The following RERE variants were observed in gnomAD, a reference collection of about 807,000 sequenced individuals.
RERE encodes arginine-glutamic acid dipeptide repeats, also known as arginine-glutamic acid dipeptide repeats protein.
Under a neutral mutation model 146.1 loss-of-function variants are expected in RERE, and 40 were observed. The ratio of observed to expected loss-of-function variants is 0.27; its 90% CI spans 0.21 to 0.36. The LOEUF (loss-of-function observed/expected upper bound fraction) is 0.36, where lower values mean the gene tolerates loss of function less well. Among genes scored for constraint, RERE ranks in the 10% least tolerant of loss-of-function variants. The pLI is 1.00. For synonymous variants in RERE, 1,003 were observed against 866.0 expected, an observed-to-expected ratio of 1.16 and a Z score of -2.78; for missense variants, 1,933 against 2,138.7, an observed-to-expected ratio of 0.90 and a Z score of 1.90.
At chr1:8,559,137 G>A (rs1217617516) in intron 4 of RERE, among the ~76,000 whole-genome samples, 5 of 150,038 alleles carry the variant, frequency 3.3e-5, no homozygotes, top group East Asian at 2.0e-4. Context: ...AAAATTAGCC[G>A]GGTATGGTGG....
At chr1:8,742,866 TCAA>T (rs1557515859) in intron 1 of RERE, among the ~76,000 whole-genome samples, 2 of 116,954 alleles carry the variant, frequency 1.7e-5, no homozygotes, top group Non-Finnish European at 3.4e-5. Flanking sequence ...AGATCCTGTC[TCAA>T]AAAAAAAAAA....
At chr1:8,524,236 G>A (rs1316796804) in intron 7 of RERE, among the ~76,000 whole-genome samples, 1 of 151,898 alleles carries the variant, frequency 6.6e-6, no homozygotes, top group African/African-American at 2.4e-5. Context: ...CCCTCACATG[G>A]GTAAAAAAAT....
chr1:8,766,784 A>T (rs1219844180), intron 1 of RERE, among the ~76,000 whole-genome samples: 1 of 152,176 alleles, frequency 6.6e-6, no homozygotes, highest in Non-Finnish European at 1.5e-5. Context: ...AAAATTCACA[A>T]TATTGTGAAA....
chr1:8,559,566 A>G (rs1646053901), intron 4 of RERE, among the ~76,000 whole-genome samples: 1 of 152,176 alleles, frequency 6.6e-6, no homozygotes, highest in Admixed American at 6.5e-5. Context: ...ACATACCAGT[A>G]TGTTAAATAA....
chr1:8,555,724 C>CA (rs1645999554), intron 6 of RERE, among the ~76,000 whole-genome samples: 1 of 152,148 alleles, frequency 6.6e-6, no homozygotes, highest in African/African-American at 2.4e-5. Context: ...CATACACACA[C>CA]AAAATGAGCC....
intron 10 of RERE, among the ~76,000 whole-genome samples, chr1:8,491,462 CAA>C (rs1458977946): frequency 6.6e-6 from 1 of 151,088 alleles, no homozygotes; most frequent in Non-Finnish European, 1.5e-5. Context: ...CAAAACAAAA[CAA>C]GAAAAACAGC....
At chr1:8,560,070 A>G (rs1646060049) in intron 4 of RERE, among the ~76,000 whole-genome samples, 1 of 152,236 alleles carries the variant, frequency 6.6e-6, no homozygotes, top group Non-Finnish European at 1.5e-5. Flanking sequence ...GGACCAGGAT[A>G]AGATTACTCA....
chr1:8,531,007 T>TTCTTTCTATCTA (rs1215718651), intron 7 of RERE, among the ~76,000 whole-genome samples: 5 of 140,238 alleles, frequency 3.6e-5, no homozygotes, highest in Non-Finnish European at 6.2e-5. Flanking sequence ...GAACTGAGTT[T>TTCTTTCTATCTA]TCTATCTATC....
chr1:8,503,087 A>AAAATT (rs758446712), intron 8 of RERE, among the ~76,000 whole-genome samples: 11 of 144,600 alleles, frequency 7.6e-5, no homozygotes, highest in African/African-American at 2.9e-4. Flanking sequence ...TGATCAATTA[A>AAAATT]AAATAAATAA....
At chr1:8,624,513 GA>G (rs1346958637) in intron 2 of RERE, 133 bp from the exon 3 acceptor site, 1 of 595,946 alleles carries the variant, frequency 1.7e-6, no homozygotes, top group Admixed American at 3.2e-5. Context: ...TCCAAAAGAT[GA>G]TATTAAATTG....
intron 4 of RERE, among the ~76,000 whole-genome samples, chr1:8,569,450 G>A (rs1474796335): frequency 6.6e-6 from 1 of 152,042 alleles, no homozygotes; most frequent in Non-Finnish European, 1.5e-5. Flanking sequence ...CAGACTTTGC[G>A]GTAATGAGCA....
chr1:8,406,000 A>G (rs1643427631), intron 12 of RERE, among the ~76,000 whole-genome samples: 1 of 152,006 alleles, frequency 6.6e-6, no homozygotes. Flanking sequence ...CTAAAAACAG[A>G]CCCCTTCCCT....
intron 2 of RERE, among the ~76,000 whole-genome samples, chr1:8,649,260 A>G (rs968303983): frequency 6.7e-6 from 1 of 149,864 alleles, no homozygotes; most frequent in Non-Finnish European, 1.5e-5. Context: ...CAAGGACAAT[A>G]TACAATAGAG....
chr1:8,785,778 C>T (rs529332143), intron 1 of RERE, among the ~76,000 whole-genome samples: 5 of 152,268 alleles, frequency 3.3e-5, no homozygotes, highest in South Asian at 2.1e-4. Context: ...CCAACCACCA[C>T]GCCCAGCTAA....
chr1:8,815,783 G>C (rs1029484292), intron 1 of RERE, among the ~76,000 whole-genome samples: 5 of 152,060 alleles, frequency 3.3e-5, no homozygotes, highest in Admixed American at 1.3e-4. Flanking sequence ...ATGGGAGAGA[G>C]AGAATGAATG....
At chr1:8,582,045 A>G (rs1646372971) in intron 4 of RERE, among the ~76,000 whole-genome samples, 1 of 152,172 alleles carries the variant, frequency 6.6e-6, no homozygotes, top group Non-Finnish European at 1.5e-5. Context: ...AGCTATTAAT[A>G]TAATTGCTTG....
rs576222699 is a variant in RERE at position 8,679,381 on chromosome 1, G to T, written c.-144-22940C>A. ...ACGTGACCCGAGGAAAAAAGAGCAA[G>T]AAACCATTTTTTTCCACTACCTTTA... On this transcript the variant is annotated intron_variant, in intron 1 of 22. Coordinates refer to ENST00000400908, the MANE Select transcript of RERE (RefSeq NM_001042681.2). Among the ~76,000 whole-genome samples the T allele has an allele frequency of 5.9e-5, 9 of 152,280 alleles. No homozygotes were observed. The South Asian group carries it at 1.9e-3, about 32-fold the overall frequency.
At chr1:8,740,648 T>C (rs996137949) in intron 1 of RERE, among the ~76,000 whole-genome samples, 4 of 152,212 alleles carry the variant, frequency 2.6e-5, no homozygotes, top group African/African-American at 9.7e-5. Flanking sequence ...TTATAAGCTT[T>C]ATTCTATTTT....
intron 4 of RERE, among the ~76,000 whole-genome samples, chr1:8,586,729 C>T (rs924894851): frequency 6.6e-6 from 1 of 152,116 alleles, no homozygotes; most frequent in East Asian, 1.9e-4. Flanking sequence ...CTTAAACATT[C>T]CATAATTATG....
Sources: allele counts gnomAD v4.1 joint callset (sites outside exome capture counted in the v4.1 genomes callset), GRCh38; gene constraint gnomAD v4.1.1; transcripts MANE v1.5; gene names NCBI Gene and HGNC (gene_info 2026-07-23, HGNC 2026-07-21).